UBR4: variants seen among roughly 807,000 people sequenced by gnomAD.
The protein encoded by UBR4 is ubiquitin protein ligase E3 component n-recognin 4, also known as E3 ubiquitin-protein ligase UBR4.
Under a neutral mutation model 575.6 loss-of-function variants are expected in UBR4, and 124 were observed. The ratio of observed to expected loss-of-function variants is 0.22; its 90% CI spans 0.19 to 0.25. UBR4 has a LOEUF of 0.25. Among genes scored for constraint, UBR4 ranks in the 10% least tolerant of loss-of-function variants. The pLI, the probability that UBR4 is intolerant of heterozygous loss-of-function variation, is 1.00. For missense variants in UBR4, 4,818 were observed against 6,478.8 expected, an observed-to-expected ratio of 0.74 and a Z score of 8.80; for synonymous variants, 2,455 against 2,473.7, an observed-to-expected ratio of 0.99 and a Z score of 0.22.
In UBR4 at chr1:19,195,969, T is replaced by TACACACACACAC. The variant is rs55820713; in HGVS notation, c.1018+1160_1018+1171dup. 2.5e-3 allele frequency among the ~76,000 whole-genome samples: 330 copies of TACACACACACAC among 134,128 alleles called. 4 individuals carry two copies. Among genetic ancestry groups the TACACACACACAC allele is most frequent in the African/African-American group, 8.5e-3 (296 of 34,760 alleles). The allele number at this position is 134,128 out of a possible 152,430, so 88.0% of individuals were successfully genotyped here. On this transcript the variant is annotated intron_variant, in intron 8 of 105. Coordinates refer to ENST00000375254, the MANE Select transcript of UBR4 (RefSeq NM_020765.3). ...GCCATAAAACCTACAGACTTACTTATACACACACACACACACACACACACA... is the reference window on the plus strand; with the variant it reads ...GCCATAAAACCTACAGACTTACTTATACACACACACACACACACACACACACACACACACACA...
rs550535024 is a variant in UBR4 at position 19,153,274 on chromosome 1, C to G, written c.6832+27G>C. On this transcript the variant is annotated intron_variant, in intron 46 of 105. Coordinates refer to ENST00000375254, the MANE Select transcript of UBR4 (RefSeq NM_020765.3). This position sits in a 1 kb window ranked among gnomAD's most constrained non-coding sequence, Gnocchi z 4.1. ...TAGAAGACCACCATTCCTACTCCCC[C>G]ACAAGTCATCTGAGAAGGAGCCTTA... 3.7e-6 allele frequency: 6 copies of G among 1,612,828 alleles called. No individual in the cohort carries two copies. The highest frequency in any genetic ancestry group is 1.3e-5 in the African/African-American group (1 of 75,056).
At chr1:19,181,567 T>C (rs1571550617) in intron 17 of UBR4, among the ~76,000 whole-genome samples, 1 of 152,160 alleles carries the variant, frequency 6.6e-6, no homozygotes, top group South Asian at 2.1e-4. Flanking sequence ...CCTATGCCTA[T>C]CTCCCTCCTT....
At chr1:19,135,422 C>G (rs1031992403) in intron 60 of UBR4, among the ~76,000 whole-genome samples, 1 of 152,174 alleles carries the variant, frequency 6.6e-6, no homozygotes, top group Non-Finnish European at 1.5e-5. Flanking sequence ...TCAATTTTAA[C>G]ACATAACTCC....
chr1:19,192,447 G>T, intron 10 of UBR4, 34 bp downstream of exon 10: 1 of 1,614,152 alleles, frequency 6.2e-7, no homozygotes, highest in Non-Finnish European at 8.5e-7. Context: ...GGACAAGATA[G>T]GAAGTATGCA....
At chr1:19,123,466 A>C (rs1224055967) in intron 65 of UBR4, among the ~76,000 whole-genome samples, 1 of 151,606 alleles carries the variant, frequency 6.6e-6, no homozygotes, top group Non-Finnish European at 1.5e-5. Context: ...AAAAAAAAAA[A>C]AACAAAGGCT....
At chr1:19,097,480 G>C (rs906800766) in intron 90 of UBR4, among the ~76,000 whole-genome samples, 200 bp from the exon 91 acceptor site, 1 of 152,166 alleles carries the variant, frequency 6.6e-6, no homozygotes, top group Non-Finnish European at 1.5e-5. Context: ...GTGTCTACTA[G>C]AAGCTAGACA....
chr1:19,095,131 C>T (rs1029022340), intron 93 of UBR4, 106 bp from the exon 94 acceptor site: 15 of 1,529,638 alleles, frequency 9.8e-6, no homozygotes, highest in Non-Finnish European at 1.3e-5. Context: ...CCCCAGAGAC[C>T]ATGTGTGTAT....
At chr1:19,146,138 T>C (rs1386911083) in intron 52 of UBR4, 3 of 1,517,902 alleles carry the variant, frequency 2.0e-6, no homozygotes, top group South Asian at 1.2e-5. Context: ...AAACATTGTA[T>C]GTTAGAATTA....
rs770285587 is a variant in UBR4, at chr1:19,184,146, G to T, written c.1968C>A (p.Asn656Lys). 6.2e-7 allele frequency: 1 copy of T among 1,614,146 alleles called. No homozygotes were observed. Among genetic ancestry groups the T allele is most frequent in the Non-Finnish European group, 8.5e-7 (1 of 1,180,010 alleles). The change falls in exon 16 of 106, where the codon AAC becomes AAA. Residue 656 changes from asparagine to lysine, a missense_variant. Physicochemically the swap from Asn to Lys is moderately conservative, Grantham distance 94 (BLOSUM62 0). Coordinates refer to ENST00000375254, the MANE Select transcript of UBR4 (RefSeq NM_020765.3). ...LFLGLASNIL[N>K]FITSSMLNSR... ...AGTTCAGCATGGAAGAGGTGATGAAGTTCAAAATGTTGGAAGCCAGACCTA... is the reference window on the plus strand; with the variant it reads ...AGTTCAGCATGGAAGAGGTGATGAATTTCAAAATGTTGGAAGCCAGACCTA...
chr1:19,134,865 G>C (rs2149809194), intron 60 of UBR4, among the ~76,000 whole-genome samples: 1 of 152,170 alleles, frequency 6.6e-6, no homozygotes, highest in Non-Finnish European at 1.5e-5. Flanking sequence ...TCTAGCCTAG[G>C]AGCCTATAAG....
In UBR4 at chr1:19,133,698, C is replaced by A. The variant is rs544249485; in HGVS notation, c.8906+4309G>T. ...GGTGCAGTGGCTCACACATGTAATC[C>A]CAACACTGGGAGGCTGAGGCAGGAG... is the stretch of plus-strand genomic sequence containing the variant. On this transcript the variant is annotated intron_variant, in intron 60 of 105. Transcript: ENST00000375254. Among the ~76,000 whole-genome samples the A allele has an allele frequency of 2.8e-4, 43 of 151,932 alleles. No individual in the cohort carries two copies. The South Asian group carries it at 8.1e-3, about 29-fold the overall frequency.
intron 48 of UBR4, chr1:19,151,131 T>C (rs962453590): frequency 2.7e-6 from 1 of 373,922 alleles, no homozygotes; most frequent in African/African-American, 2.0e-5. Flanking sequence ...CAGATCATGA[T>C]CATTCACACT....
At chr1:19,084,301 G>A (rs529109313) in intron 102 of UBR4, among the ~76,000 whole-genome samples, 1 of 152,310 alleles carries the variant, frequency 6.6e-6, no homozygotes, top group Admixed American at 6.5e-5. Flanking sequence ...GCAGTTTGGG[G>A]GAAGGAAGTT....
rs2077259963 is a variant in UBR4 at position 19,088,890 on chromosome 1, G to A, written c.14299C>T (p.Leu4767=). 2 of 1,614,074 alleles carry A rather than the reference G, an allele frequency of 1.2e-6. No homozygotes were observed. The highest frequency in any genetic ancestry group is 2.7e-5 in the African/African-American group (2 of 74,912). Residue 4767 remains leucine (L), a synonymous_variant, in exon 98 of 106, where the codon CTG becomes TTG. Coordinates refer to ENST00000375254, the MANE Select transcript of UBR4 (RefSeq NM_020765.3). The surrounding 1 kb of genome is among the most constrained non-coding windows in gnomAD (Gnocchi z 4.0). ...GGGTGTTCCCGCAGGGCTTCCAGCA[G>A]GTTCTCTGCCAAGGTCCCAATGCCC... is the stretch of plus-strand genomic sequence containing the variant. ...DEGIGTLAEN[L]LEALREHPDV...
chr1:19,147,110 G>T, intron 51 of UBR4, 110 bp from the exon 52 acceptor site: 1 of 1,252,502 alleles, frequency 8.0e-7, no homozygotes, highest in Non-Finnish European at 1.1e-6. Context: ...CCTCTCAAGA[G>T]AACAGGCCAA....
At chr1:19,156,128 C>T in intron 42 of UBR4, 143 bp downstream of exon 42, 1 of 1,140,038 alleles carries the variant, frequency 8.8e-7, no homozygotes, top group Non-Finnish European at 1.2e-6. Flanking sequence ...TCCACCTCAG[C>T]CTTCCAAGTA....
At position 19,170,685 on chromosome 1, in the gene UBR4, C is replaced by G; in HGVS notation, c.3643+77G>C. ...AATAAATAGTAAACGCCAGTAGGCA[C>G]CAAGGGAGAGAAGCCATAGTACTAG... On this transcript the variant is annotated intron_variant, in intron 26 of 105. Coordinates refer to ENST00000375254, the MANE Select transcript of UBR4 (RefSeq NM_020765.3). 2.3e-5 allele frequency: 37 copies of G among 1,595,758 alleles called. No homozygotes were observed. The South Asian group carries it at 3.7e-4, about 16-fold the overall frequency.
rs552214565 is a variant in UBR4, at chr1:19,125,336, A to G, written c.9439-646T>C. Among the ~76,000 whole-genome samples, 27 of 152,368 alleles carry G rather than the reference A, an allele frequency of 1.8e-4. No homozygotes were observed. The South Asian group carries it at 2.7e-3, about 15-fold the overall frequency. ...TCTGTATCAAGCACTGGAGTTGTAA[A>G]CAGGAATAAAATATGGTTTCTGCTG... is the stretch of plus-strand genomic sequence containing the variant. On this transcript the variant is annotated intron_variant, in intron 64 of 105. Coordinates refer to ENST00000375254, the MANE Select transcript of UBR4 (RefSeq NM_020765.3).
intron 66 of UBR4, among the ~76,000 whole-genome samples, 164 bp from the exon 67 acceptor site, chr1:19,122,176 T>G (rs113718809): frequency 6.6e-6 from 1 of 152,302 alleles, no homozygotes; most frequent in East Asian, 1.9e-4. Flanking sequence ...CCTGGGACCA[T>G]GACCCACACA....
Sources: gnomAD v4.1 joint callset for allele counts (sites outside exome capture counted in the v4.1 genomes callset) on GRCh38, gnomAD v4.1.1 for gene constraint, Gnocchi (gnomAD v3.1) non-coding constraint, MANE v1.5 for transcripts, NCBI Gene and HGNC (gene_info 2026-07-23, HGNC 2026-07-21) for gene names.